CDH5: variants seen among roughly 807,000 people sequenced by gnomAD.
CDH5 encodes cadherin-5.
In CDH5, 28 loss-of-function variants were observed where a neutral mutation model predicts 62.0. The observed-to-expected ratio is 0.45, with a 90% CI of 0.33 to 0.62. CDH5 has a LOEUF of 0.62. Among genes scored for constraint, CDH5 ranks in the 20% least tolerant of loss-of-function variants. The probability of loss-of-function intolerance (pLI) is 0.02; values close to 1 mark genes in which losing one functional copy is unlikely to be tolerated. For synonymous variants in CDH5, 464 were observed against 445.8 expected (o/e 1.04, Z -0.52); for missense variants, 940 against 1,065.1 (o/e 0.88, Z 1.63).
At chr16:66,371,950 G>A (rs1435505205) in intron 1 of CDH5, among the ~76,000 whole-genome samples, 1 of 151,596 alleles carries the variant, frequency 6.6e-6, no homozygotes, top group East Asian at 1.9e-4. Context: ...CTCTTCTCTT[G>A]TATCCCTAGC....
chr16:66,393,189 TAA>T (rs1347434329), intron 7 of CDH5, among the ~76,000 whole-genome samples: 1 of 152,228 alleles, frequency 6.6e-6, no homozygotes, highest in Non-Finnish European at 1.5e-5. Flanking sequence ...ATTATAATAA[TAA>T]GTCATCGTTT....
chr16:66,387,908 C>T (rs1024122547), intron 3 of CDH5, among the ~76,000 whole-genome samples: 2 of 152,176 alleles, frequency 1.3e-5, no homozygotes, highest in Non-Finnish European at 2.9e-5. Flanking sequence ...CCAGAGTCTC[C>T]AGCCAGGGCC....
At chr16:66,378,968 G>A (rs1416933595) in intron 1 of CDH5, among the ~76,000 whole-genome samples, 5 of 152,144 alleles carry the variant, frequency 3.3e-5, no homozygotes, top group Admixed American at 3.3e-4. Context: ...GAAATTTTAG[G>A]GAAAGGACGC....
chr16:66,382,246 G>A (rs1960910768), intron 2 of CDH5, among the ~76,000 whole-genome samples: 1 of 152,162 alleles, frequency 6.6e-6, no homozygotes, highest in African/African-American at 2.4e-5. Context: ...ATGGGAATGG[G>A]GCCAGCTGGG....
intron 1 of CDH5, 26 bp from the exon 2 acceptor site, chr16:66,379,293 T>A: frequency 6.5e-7 from 1 of 1,534,202 alleles, no homozygotes; most frequent in South Asian, 1.2e-5. Flanking sequence ...CTGGCCAGAG[T>A]CTGAATGTGT....
chr16:66,389,461 C>T lies in CDH5; in HGVS notation c.720C>T (p.Gly240=). ...RDAQGLRGDS[G]TATVLVTLQD... ...CCCAGGGCCTCCGGGGGGACTCGGG[C>T]ACGGCCACCGTGCTGGTCACTCTGC... The change falls in exon 5 of 12, where the codon GGC becomes GGT. Residue 240 remains glycine, a synonymous_variant. Coordinates refer to ENST00000341529, the MANE Select transcript of CDH5 (RefSeq NM_001795.5). 6.2e-7 allele frequency: 1 copy of T among 1,613,068 alleles called. No homozygotes were observed. Among genetic ancestry groups the T allele is most frequent in the Non-Finnish European group, 8.5e-7 (1 of 1,179,494 alleles).
Position 66,396,192 on chromosome 16 carries a change from G to T in CDH5, c.1351G>T (p.Asp451Tyr). 6.2e-7 allele frequency: 1 copy of T among 1,614,130 alleles called. No individual in the cohort carries two copies. The highest frequency in any genetic ancestry group is 8.5e-7 in the Non-Finnish European group (1 of 1,180,012). ...YNLTVEAKEL[D>Y]STGTPTGKES... is the part of the protein sequence containing the mutation. ...CCTGACTGTGGAGGCCAAAGAACTG[G>T]ATTCCACTGGTGAGTGGCCACATCT... The change falls in exon 8 of 12, where the codon GAT becomes TAT. Residue 451 changes from aspartate (D) to tyrosine (Y), a missense_variant. Physicochemically the swap from Asp to Tyr is radical, Grantham distance 160. Transcript: ENST00000341529.
chr16:66,402,553 G>A, intron 11 of CDH5, 99 bp from the exon 12 acceptor site: 10 of 1,048,880 alleles, frequency 9.5e-6, no homozygotes, highest in South Asian at 3.4e-5. Flanking sequence ...CTGGGAGGGC[G>A]TGGGGGTGGG....
chr16:66,400,751 C>G lies in CDH5; in HGVS notation c.1592-20C>G, dbSNP rs1174116874. On this transcript the variant is annotated intron_variant, in intron 10 of 11. Transcript: ENST00000341529. ...CTGTGCAGATGGCAAAGCCTGACTCCGAGGCCTTGGTGTTTCCAGATAACA... is the reference window on the plus strand; with the variant it reads ...CTGTGCAGATGGCAAAGCCTGACTCGGAGGCCTTGGTGTTTCCAGATAACA... The G allele has an allele frequency of 1.2e-6, 2 of 1,614,054 alleles. No homozygotes were observed. The highest frequency in any genetic ancestry group is 1.7e-5 in the Admixed American group (1 of 60,028).
rs1305058593 is a variant in CDH5 at position 66,385,191 on chromosome 16, T to C, written c.211-1618T>C. On this transcript the variant is annotated intron_variant, in intron 2 of 11. Transcript: ENST00000341529. ...TCATTGTATATGCATAGAATACTAT[T>C]CTATAGGAACTATACCGTTCCTAAT... Among the ~76,000 whole-genome samples the C allele has an allele frequency of 5.3e-5, 8 of 152,344 alleles. No homozygotes were observed. The East Asian group carries it at 1.5e-3, about 29-fold the overall frequency.
rs563208464 is a variant in CDH5, at chr16:66,402,380, C to A, written c.1838-272C>A. Among the ~76,000 whole-genome samples, 7 of 128,074 alleles carry A rather than the reference C, an allele frequency of 5.5e-5. No homozygotes were observed. In the South Asian group the frequency reaches 8.4e-4, roughly 15 times the overall value. The allele number at this position is 128,074 out of a possible 152,430, so 84.0% of individuals were successfully genotyped here. A position where few individuals can be genotyped will look rare whatever the true frequency, so the allele number is the denominator to read the frequency against. On this transcript the variant is annotated intron_variant, in intron 11 of 11. Transcript: ENST00000341529. ...GAACGGCAGCGGTGGGAGTGTCGGG[C>A]GAGGTGGGGATGAGTATGCGGGGGA... is the stretch of plus-strand genomic sequence containing the variant.
chr16:66,402,530 AG>A, intron 11 of CDH5, 121 bp from the exon 12 acceptor site: 2 of 693,252 alleles, frequency 2.9e-6, no homozygotes, highest in African/African-American at 3.6e-5. Context: ...GGGGGGCCAA[AG>A]GGATGGGCAT....
chr16:66,403,289 TG>T lies in CDH5; in HGVS notation c.*123del. Reference sequence around the variant, plus strand: ...TCCCCAGCCCAGCACCCCTTCCTCGTGGGTCCCAGAGACCTCATCAGCCTTG... The same window carrying T: ...TCCCCAGCCCAGCACCCCTTCCTCGTGGTCCCAGAGACCTCATCAGCCTTG... On this transcript the variant is annotated 3_prime_UTR_variant, in exon 12 of 12. Transcript: ENST00000341529. This position sits in a 1 kb window ranked among gnomAD's most constrained non-coding sequence, Gnocchi z 4.3. The T allele has an allele frequency of 1.1e-6, 1 of 881,486 alleles. No individual in the cohort carries two copies. The highest frequency in any genetic ancestry group is 2.5e-5 in the Admixed American group (1 of 39,218). 54.6% of individuals were successfully genotyped at this position (881,486 alleles called of 1,614,324 possible). A position where few individuals can be genotyped will look rare whatever the true frequency, so the allele number is the denominator to read the frequency against.
chr16:66,403,370 A>G lies in CDH5; in HGVS notation c.*201A>G. ...CCAGGAATATATGTCAGTGATGACT[A>G]TTCTCAAATGCTGGCAAATCCAGGC... On this transcript the variant is annotated 3_prime_UTR_variant, in exon 12 of 12. Transcript: ENST00000341529. The surrounding 1 kb of genome is among the most constrained non-coding windows in gnomAD (Gnocchi z 4.3). 1.7e-6 allele frequency: 1 copy of G among 592,248 alleles called. No individual in the cohort carries two copies. The allele number at this position is 592,248 out of a possible 1,614,324, so 36.7% of individuals were successfully genotyped here. A position where few individuals can be genotyped will look rare whatever the true frequency, so the allele number is the denominator to read the frequency against.
intron 1 of CDH5, among the ~76,000 whole-genome samples, chr16:66,373,441 C>T (rs1459270101): frequency 6.8e-6 from 1 of 146,532 alleles, no homozygotes; most frequent in Non-Finnish European, 1.5e-5. Context: ...CGAAGTCTTG[C>T]TCTGTCACCT....
chr16:66,392,205 C>G lies in CDH5; in HGVS notation c.1039C>G (p.Arg347Gly). 6.2e-7 allele frequency: 1 copy of G among 1,614,072 alleles called. No homozygotes were observed. Among genetic ancestry groups the G allele is most frequent in the Non-Finnish European group, 8.5e-7 (1 of 1,180,010 alleles). Residue 347 changes from arginine to glycine, a missense_variant, in exon 7 of 12, where the codon CGA becomes GGA. Transcript: ENST00000341529. The part of the protein sequence containing the change: ...VEATDPTIDL[R>G]YMSPPAGNRA... The stretch of plus-strand genomic sequence containing the variant: ...GGCCACAGACCCCACCATCGACCTC[C>G]GATACATGAGCCCTCCCGCGGGAAA...
At chr16:66,373,940 C>T (rs79719025) in intron 1 of CDH5, among the ~76,000 whole-genome samples, 2,920 of 152,082 alleles carry the variant, frequency 0.019, 102 homozygotes, top group African/African-American at 0.066. Flanking sequence ...GACCAAGCAC[C>T]GAGAATAGTT....
chr16:66,371,771 G>A (rs1432759773), intron 1 of CDH5, among the ~76,000 whole-genome samples: 1 of 152,176 alleles, frequency 6.6e-6, no homozygotes, highest in Admixed American at 6.5e-5. Context: ...TCCTCCTGGT[G>A]CTCAGGGGCA....
At chr16:66,379,078 A>G (rs557559602) in intron 1 of CDH5, 61 of 523,328 alleles carry the variant, frequency 1.2e-4, no homozygotes, top group African/African-American at 5.2e-4. Context: ...AGTAGGTACA[A>G]GGAAGTGTAG....
Sources: gnomAD v4.1 joint callset for allele counts (sites outside exome capture counted in the v4.1 genomes callset) on GRCh38, gnomAD v4.1.1 for gene constraint, Gnocchi (gnomAD v3.1) non-coding constraint, MANE v1.5 for transcripts, NCBI Gene and HGNC (gene_info 2026-07-23, HGNC 2026-07-21) for gene names.